The following ZC4H2 variants were observed in gnomAD, a reference collection of about 807,000 sequenced individuals.
The protein encoded by ZC4H2 is zinc finger C4H2-type containing, also known as zinc finger C4H2 domain-containing protein.
For synonymous variants in ZC4H2, 84 were observed against 66.3 expected (o/e 1.27, Z -1.30); for missense variants, 137 against 173.9 (o/e 0.79, Z 1.19).
chrX:64,952,657 C>T (rs991513010), intron 1 of ZC4H2, among the ~76,000 whole-genome samples: 46 of 110,135 alleles, frequency 4.2e-4, no homozygotes, highest in Middle Eastern at 4.7e-3. Flanking sequence ...CACTGCTCAA[C>T]GAAATAAAGG....
intron 1 of ZC4H2, among the ~76,000 whole-genome samples, chrX:64,990,146 T>G (rs755905915): frequency 5.3e-5 from 6 of 112,170 alleles, no homozygotes; most frequent in Non-Finnish European, 1.1e-4. Flanking sequence ...CTTCAGCAGG[T>G]GAATGTTTAA....
intron 1 of ZC4H2, among the ~76,000 whole-genome samples, chrX:64,983,288 C>T (rs754022199): frequency 6.3e-5 from 7 of 111,922 alleles, no homozygotes; most frequent in South Asian, 3.7e-4. Flanking sequence ...AATTAATATA[C>T]GGAACTGGCT....
In ZC4H2 at chrX:65,023,144, T is replaced by C. The variant is rs922954577; in HGVS notation, c.-272+11485A>G. Among the ~76,000 whole-genome samples the C allele has an allele frequency of 3.6e-5, 4 of 111,684 alleles. No homozygotes were observed. The Admixed American group carries it at 3.8e-4, about 11-fold the overall frequency. On this transcript the variant is annotated intron_variant, in intron 1 of 4. Coordinates refer to the ZC4H2 transcript ENST00000337990. Reference sequence around the variant, plus strand: ...TTAGGACTGTCTTGGCTATGAGGGCTCTTTTTTGGTTCCATATGAAATTTA... The same window carrying C: ...TTAGGACTGTCTTGGCTATGAGGGCCCTTTTTTGGTTCCATATGAAATTTA...
chrX:64,929,408 TGA>T (rs758021189), intron 1 of ZC4H2, among the ~76,000 whole-genome samples: 1 of 112,108 alleles, frequency 8.9e-6, no homozygotes, highest in African/African-American at 3.2e-5. Flanking sequence ...TAGTTGCGTT[TGA>T]TTTTGGAGTC....
chrX:65,032,785 C>CT (rs1278380014), intron 1 of ZC4H2, among the ~76,000 whole-genome samples: 180 of 105,182 alleles, frequency 1.7e-3, no homozygotes, highest in Non-Finnish European at 2.8e-3. Context: ...TTCCTTCTTT[C>CT]TTTTTTTTGG....
chrX:64,968,597 A>G (rs1054492817), intron 1 of ZC4H2, among the ~76,000 whole-genome samples: 2 of 111,710 alleles, frequency 1.8e-5, no homozygotes, highest in South Asian at 3.7e-4. Context: ...CCAGATCATT[A>G]AAGATGCAAT....
intron 1 of ZC4H2, among the ~76,000 whole-genome samples, chrX:65,023,647 C>T (rs1353316461): frequency 9.0e-6 from 1 of 111,692 alleles, no homozygotes; most frequent in Non-Finnish European, 1.9e-5. Context: ...GAATGCTTTA[C>T]ACTGTTGGTG....
At chrX:64,948,883 GT>G (rs1386646281) in intron 1 of ZC4H2, among the ~76,000 whole-genome samples, 1 of 111,881 alleles carries the variant, frequency 8.9e-6, no homozygotes, top group East Asian at 2.8e-4. Context: ...AAAGGTAAAC[GT>G]TTCACCAAGT....
chrX:65,027,891 T>C (rs1197265153), intron 1 of ZC4H2, among the ~76,000 whole-genome samples: 1 of 111,958 alleles, frequency 8.9e-6, no homozygotes, highest in Non-Finnish European at 1.9e-5. Context: ...ATGACATTCG[T>C]CATGCGGGAA....
intron 1 of ZC4H2, among the ~76,000 whole-genome samples, chrX:65,023,540 A>C (rs1932852678): frequency 8.9e-6 from 1 of 112,074 alleles, no homozygotes; most frequent in East Asian, 2.8e-4. Flanking sequence ...AGAAATGCAA[A>C]TCAAAACCAC....
At chrX:65,031,484 A>T (rs1284501657) in intron 1 of ZC4H2, among the ~76,000 whole-genome samples, 1 of 111,325 alleles carries the variant, frequency 9.0e-6, no homozygotes, top group Admixed American at 9.5e-5. Flanking sequence ...TCTGTTTTTG[A>T]AGAACTCACT....
chrX:64,940,304 A>T (rs762107029), intron 1 of ZC4H2, among the ~76,000 whole-genome samples: 3 of 111,617 alleles, frequency 2.7e-5, no homozygotes, highest in Non-Finnish European at 5.6e-5. Flanking sequence ...TCTGGATATT[A>T]GACCTTTGTC....
chrX:64,939,397 C>A (rs1930162325), intron 1 of ZC4H2, among the ~76,000 whole-genome samples: 1 of 111,902 alleles, frequency 8.9e-6, no homozygotes, highest in Admixed American at 9.5e-5. Context: ...CTATCCCCAT[C>A]AAGATACCAT....
chrX:64,929,295 A>G (rs1165114550), intron 1 of ZC4H2, among the ~76,000 whole-genome samples: 2 of 111,407 alleles, frequency 1.8e-5, no homozygotes, highest in African/African-American at 6.5e-5. Context: ...CATAGTTTGC[A>G]AATATTTTCC....
chrX:65,006,323 T>C (rs1932657816), intron 1 of ZC4H2, among the ~76,000 whole-genome samples: 1 of 111,517 alleles, frequency 9.0e-6, no homozygotes, highest in African/African-American at 3.3e-5. Flanking sequence ...TTCCCATCAA[T>C]GAAAGACTGG....
intron 1 of ZC4H2, among the ~76,000 whole-genome samples, chrX:65,001,929 G>T (rs749984599): frequency 9.0e-6 from 1 of 111,436 alleles, no homozygotes; most frequent in Non-Finnish European, 1.9e-5. Flanking sequence ...CAGAAGCACC[G>T]AGTTTCATAA....
At chrX:65,014,665 T>C (rs1419496308) in intron 1 of ZC4H2, among the ~76,000 whole-genome samples, 6 of 111,732 alleles carry the variant, frequency 5.4e-5, no homozygotes, top group African/African-American at 1.6e-4. Flanking sequence ...ATCCATAAAA[T>C]TGGGTGAATA....
At position 64,920,871 on chromosome X, in the gene ZC4H2, C is replaced by A. The variant is rs773495636; in HGVS notation, c.226-618G>T. On this transcript the variant is annotated intron_variant, in intron 2 of 4. Coordinates refer to ENST00000374839, the MANE Select transcript of ZC4H2 (RefSeq NM_018684.4). ...GGAGTCTAGCAATATGTGTCTTAGG[C>A]TCTCAAAGTGGCTTTGATGCATGCT... Among the ~76,000 whole-genome samples, 234 of 112,537 alleles carry A rather than the reference C, an allele frequency of 2.1e-3. 1 individual carries two copies. Among genetic ancestry groups the A allele is most frequent in the African/African-American group, 7.2e-3 (224 of 31,023 alleles).
rs372224454 is a variant in ZC4H2, at chrX:64,922,039, A to G, written c.54-51T>C. 65 of 1,189,013 alleles carry G rather than the reference A, an allele frequency of 5.5e-5. No homozygotes were observed. The African/African-American group carries it at 1.1e-3, about 20-fold the overall frequency. ...AGGCCAGCAAAAGAAGGGAGAAAAT[A>G]GAAATGGAGCCAGGACTTTTTTTCT... On this transcript the variant is annotated intron_variant, in intron 1 of 4. Transcript: ENST00000374839.
Sources: gnomAD v4.1 joint callset for allele counts (sites outside exome capture counted in the v4.1 genomes callset) on GRCh38, gnomAD v4.1.1 for gene constraint, MANE v1.5 for transcripts, NCBI Gene and HGNC (gene_info 2026-07-23, HGNC 2026-07-21) for gene names.